Variants in PROM1 observed in about 807,000 individuals in gnomAD.
The protein encoded by PROM1 is prominin 1.
In PROM1, 105 loss-of-function variants were observed where a neutral mutation model predicts 116.9. The observed-to-expected ratio is 0.90, with a 90% CI of 0.77 to 1.06. The LOEUF (loss-of-function observed/expected upper bound fraction) is 1.06, where lower values mean the gene tolerates loss of function less well. PROM1 is among the 50% of genes least tolerant of loss of function. The pLI, the probability that PROM1 is intolerant of heterozygous loss-of-function variation, is 0.00. For missense variants in PROM1, 1,122 were observed against 1,045.2 expected (o/e 1.07, Z -1.01); for synonymous variants, 393 against 387.0 (o/e 1.02, Z -0.18).
At chr4:16,072,257 T>C (rs1397872635) in intron 2 of PROM1, among the ~76,000 whole-genome samples, 1 of 152,160 alleles carries the variant, frequency 6.6e-6, no homozygotes, top group Non-Finnish European at 1.5e-5. Context: ...CAAGAAGGGT[T>C]TCTCTTAGAG....
At chr4:15,979,845 C>T in intron 25 of PROM1, 36 bp downstream of exon 25, 6 of 1,430,706 alleles carry the variant, frequency 4.2e-6, no homozygotes, top group Non-Finnish European at 5.8e-6. Context: ...CCTCCCCCAT[C>T]CCATCTAGGA....
chr4:15,999,291 G>A (rs1460494285), intron 14 of PROM1, among the ~76,000 whole-genome samples: 1 of 151,926 alleles, frequency 6.6e-6, no homozygotes, highest in East Asian at 2.0e-4. Flanking sequence ...CTAACGTGGT[G>A]AAACCCCGTC....
At chr4:16,081,964 C>T (rs1745128606) in intron 1 of PROM1, 1 of 152,048 alleles carries the variant, frequency 6.6e-6, no homozygotes, top group South Asian at 2.1e-4. Context: ...CAGACAACAG[C>T]AACAGTAAGG....
rs186314293 is a variant in PROM1, at chr4:16,023,265, C to T, written c.784+61G>A. 2.0e-3 allele frequency: 2,858 copies of T among 1,406,280 alleles called. 15 individuals are homozygous for T. The highest frequency in any genetic ancestry group is 8.8e-3 in the Middle Eastern group (50 of 5,666). 87.1% of individuals were successfully genotyped at this position (1,406,280 alleles called of 1,614,324 possible). A position where few individuals can be genotyped will look rare whatever the true frequency, so the allele number is the denominator to read the frequency against. ...AGGGAACAAGAAAAGAGTGAGCAAG[C>T]CTGCCAAGCCCAGGGACTCCTGGAT... On this transcript the variant is annotated intron_variant, in intron 8 of 27. Transcript: ENST00000447510.
intron 4 of PROM1, 115 bp downstream of exon 4, chr4:16,035,620 G>T: frequency 1.9e-6 from 2 of 1,028,162 alleles, no homozygotes; most frequent in Admixed American, 1.8e-5. Context: ...AAGGTTAAAA[G>T]TGATGGTAAA....
rs111760080 is a variant in PROM1 at position 16,044,288 on chromosome 4, TA to T, written c.221-5288del. On this transcript the variant is annotated intron_variant, in intron 2 of 27. Transcript: ENST00000447510. ...TGGGCCTAGTGAAATTCTATCCCTA[TA>T]ATGTTCTCTTGTAAAATGAATAGAG... Among the ~76,000 whole-genome samples the T allele has an allele frequency of 3.7e-3, 559 of 152,360 alleles. 4 individuals carry two copies. The highest frequency in any genetic ancestry group is 0.012 in the African/African-American group (505 of 41,586).
intron 13 of PROM1, among the ~76,000 whole-genome samples, chr4:16,001,382 T>C (rs1031691216): frequency 3.3e-5 from 5 of 152,072 alleles, no homozygotes; most frequent in African/African-American, 1.2e-4. Context: ...GGGTTTCGGA[T>C]GTACCTTAGG....
At chr4:15,992,744 A>ATG (rs1246292005) in intron 16 of PROM1, among the ~76,000 whole-genome samples, 1 of 152,208 alleles carries the variant, frequency 6.6e-6, no homozygotes, top group Non-Finnish European at 1.5e-5. Context: ...TATGGGTCCC[A>ATG]TGGCTTCTAA....
intron 2 of PROM1, among the ~76,000 whole-genome samples, chr4:16,066,759 G>A (rs1276133645): frequency 3.3e-5 from 5 of 152,120 alleles, no homozygotes; most frequent in African/African-American, 1.2e-4. Flanking sequence ...GCTGCTGGGC[G>A]GCCTCTCTGT....
At chr4:16,005,324 T>C (rs1471365371) in intron 13 of PROM1, among the ~76,000 whole-genome samples, 2 of 152,196 alleles carry the variant, frequency 1.3e-5, no homozygotes, top group African/African-American at 4.8e-5. Flanking sequence ...TGGAGTTCTT[T>C]GTCCAGCCCT....
rs773745909 is a variant in PROM1 at position 16,035,719 on chromosome 4, C to A, written c.303+16G>T. The A allele has an allele frequency of 6.2e-7, 1 of 1,608,358 alleles. No homozygotes were observed. The highest frequency in any genetic ancestry group is 2.2e-5 in the East Asian group (1 of 44,866). ...GCTTTCCAAGAGCAACTTGAAATAG[C>A]AGACAAGGACTTTACCTTTAGACCT... On this transcript the variant is annotated intron_variant, in intron 4 of 27. Coordinates refer to ENST00000447510, the MANE Select transcript of PROM1 (RefSeq NM_006017.3).
At chr4:16,063,852 G>A (rs1316925061) in intron 2 of PROM1, among the ~76,000 whole-genome samples, 2 of 152,138 alleles carry the variant, frequency 1.3e-5, no homozygotes, top group East Asian at 1.9e-4. Context: ...GAACAACTGG[G>A]ATTTGCTTCA....
chr4:16,032,329 G>T (rs1485386460), intron 5 of PROM1, among the ~76,000 whole-genome samples: 1 of 152,104 alleles, frequency 6.6e-6, no homozygotes, highest in African/African-American at 2.4e-5. Context: ...GACCCCTGCT[G>T]GTGGCCACAC....
At chr4:16,013,179 G>GT (rs370820558) in intron 11 of PROM1, 96 bp downstream of exon 11, 54 of 995,592 alleles carry the variant, frequency 5.4e-5, no homozygotes, top group Non-Finnish European at 7.3e-5. Flanking sequence ...ATGAGAAACT[G>GT]TTTTTTTAAG....
chr4:16,075,942 G>T lies in PROM1; in HGVS notation c.-36C>A. The T allele has an allele frequency of 6.4e-7, 1 of 1,554,534 alleles. No homozygotes were observed. Among genetic ancestry groups the T allele is most frequent in the Admixed American group, 1.9e-5 (1 of 53,070 alleles). On this transcript the variant is annotated 5_prime_UTR_variant, in exon 2 of 28. Coordinates refer to ENST00000447510, the MANE Select transcript of PROM1 (RefSeq NM_006017.3). ...ATCCTCCAAACATGAGGTAGAACTT[G>T]GTGCCTCCTGCCTCAGAGCTTCTGG...
chr4:16,034,316 G>C (rs996138861), intron 4 of PROM1, among the ~76,000 whole-genome samples: 4 of 152,140 alleles, frequency 2.6e-5, no homozygotes, highest in Non-Finnish European at 1.5e-5. Context: ...TTCCTCCTCT[G>C]ATACACTGGA....
Position 16,009,076 on chromosome 4 carries a change from C to A in PROM1, c.1174G>T (p.Asp392Tyr). 1 of 1,612,880 alleles carries A rather than the reference C, an allele frequency of 6.2e-7. No homozygotes were observed. Among genetic ancestry groups the A allele is most frequent in the Non-Finnish European group, 8.5e-7 (1 of 1,179,080 alleles). ...IKRVLNSIGS[D>Y]IDNVTQRLPI... ...AGACGCTGAGTTACATTGTCGATAT[C>A]TGAACCAATGGAATTCAAGACCCTT... is the stretch of plus-strand genomic sequence containing the variant. The change falls in exon 12 of 28, where the codon GAT (aspartate) becomes TAT (tyrosine). Residue 392 changes from aspartate to tyrosine, a missense_variant. By Grantham distance (160) the Asp-to-Tyr change is radical. Coordinates refer to ENST00000447510, the MANE Select transcript of PROM1 (RefSeq NM_006017.3).
Position 15,980,507 on chromosome 4 carries a change from T to C in PROM1, c.2404A>G (p.Thr802Ala). 2 of 1,551,078 alleles carry C rather than the reference T, an allele frequency of 1.3e-6. No homozygotes were observed. The highest frequency in any genetic ancestry group is 1.7e-6 in the Non-Finnish European group (2 of 1,147,010). ...ATTAGAGCCGGAAGTAAAAATACAG[T>C]AGCTTTTCCTATGCCAAACCAAAAC... ...NLFWFGIGKA[T>A]VFLLPALIFA... Residue 802 changes from threonine to alanine, a missense_variant, in exon 24 of 28, where the codon ACT becomes GCT. Thr to Ala is a moderately conservative substitution (Grantham distance 58, BLOSUM62 0). Transcript: ENST00000447510.
At position 16,000,587 on chromosome 4, in the gene PROM1, A is replaced by G. The variant is rs1340371396; in HGVS notation, c.1487T>C (p.Ile496Thr). 1 of 1,579,216 alleles carries G rather than the reference A, an allele frequency of 6.3e-7. No homozygotes were observed. Among genetic ancestry groups the G allele is most frequent in the African/African-American group, 1.4e-5 (1 of 73,916 alleles). The change falls in exon 14 of 28, where the codon ATA becomes ACA. Residue 496 changes from isoleucine (I) to threonine (T), a missense_variant. Coordinates refer to ENST00000447510, the MANE Select transcript of PROM1 (RefSeq NM_006017.3). ...GGTAAGAACCACAATGATCATCAAT[A>G]TCCAGCAAAAGAGGAAACTTAATCC... Reference protein sequence around the residue: ...GVGLSFLFCWILMIIVVLTFV... With the variant: ...GVGLSFLFCWTLMIIVVLTFV...
Sources: gnomAD v4.1 joint callset for allele counts (sites outside exome capture counted in the v4.1 genomes callset) on GRCh38, gnomAD v4.1.1 for gene constraint, MANE v1.5 for transcripts, NCBI Gene and HGNC (gene_info 2026-07-23, HGNC 2026-07-21) for gene names.